CREBRF: variants seen among roughly 807,000 people sequenced by gnomAD.
CREBRF encodes UPF0474 protein C5orf41.
CREBRF carries 5 observed loss-of-function variants against 66.1 expected under a neutral mutation model. The observed-to-expected ratio is 0.08, with a 90% CI of 0.04 to 0.16. CREBRF has a LOEUF of 0.16. Ranked by LOEUF, CREBRF falls within the 10% of genes least tolerant of loss-of-function variation. The pLI, the probability that CREBRF is intolerant of heterozygous loss-of-function variation, is 1.00. For synonymous variants in CREBRF, 229 were observed against 264.4 expected (o/e 0.87, Z 1.30); for missense variants, 531 against 744.9 (o/e 0.71, Z 3.34).
At chr5:173,106,881 C>T (rs1758763102) in intron 4 of CREBRF, among the ~76,000 whole-genome samples, 1 of 152,034 alleles carries the variant, frequency 6.6e-6, no homozygotes, top group South Asian at 2.1e-4. Context: ...TCCTGAGTAG[C>T]GGGGATTACA....
chr5:173,080,265 C>T (rs550765950), intron 1 of CREBRF, among the ~76,000 whole-genome samples: 27 of 150,358 alleles, frequency 1.8e-4, no homozygotes, highest in South Asian at 2.1e-4. Context: ...TGAATGAGAG[C>T]TTGACTTTAA....
At chr5:173,062,870 C>A (rs2113657769) in intron 1 of CREBRF, among the ~76,000 whole-genome samples, 1 of 151,156 alleles carries the variant, frequency 6.6e-6, no homozygotes, top group African/African-American at 2.4e-5. Context: ...GCCTCAGCCT[C>A]CCAAGTAGCT....
intron 7 of CREBRF, among the ~76,000 whole-genome samples, chr5:173,118,311 G>A (rs1759058050): frequency 6.6e-6 from 1 of 152,182 alleles, no homozygotes; most frequent in South Asian, 2.1e-4. Flanking sequence ...ACCATGCCTG[G>A]CCCTCACTGG....
At chr5:173,112,201 G>A in intron 6 of CREBRF, 105 bp from the exon 7 acceptor site, 1 of 705,868 alleles carries the variant, frequency 1.4e-6, no homozygotes. Flanking sequence ...GCTAGGAGTT[G>A]GAGAGTAGCC....
Position 173,090,972 on chromosome 5 carries a change from T to C in CREBRF, c.793T>C (p.Cys265Arg). 6.2e-7 allele frequency: 1 copy of C among 1,614,178 alleles called. No homozygotes were observed. The highest frequency in any genetic ancestry group is 8.5e-7 in the Non-Finnish European group (1 of 1,180,026). ...IHTDAAKENT[C>R]YCGAVAKRQE... is the part of the protein sequence containing the mutation. ...CACAGATGCAGCAAAGGAGAACACC[T>C]GCTACTGTGGTGCAGTGGCAAAGAG... Residue 265 changes from cysteine (C) to arginine (R), a missense_variant, in exon 4 of 9, where the codon TGC (cysteine) becomes CGC (arginine). Cys to Arg is a radical substitution (Grantham distance 180). Transcript: ENST00000296953. This position sits in a 1 kb window ranked among gnomAD's most constrained non-coding sequence, Gnocchi z 4.5.
Position 173,133,667 on chromosome 5 carries a change from C to A in CREBRF, c.1842C>A (p.Asn614Lys). Residue 614 changes from asparagine (N) to lysine (K), a missense_variant, in exon 9 of 9, where the codon AAC (asparagine) becomes AAA (lysine). Transcript: ENST00000296953. ...PVAGQTSEFVNQVLEKTAEGN... is the reference protein window; with the variant it reads ...PVAGQTSEFVKQVLEKTAEGN... ...CTGGGCAAACCTCAGAATTTGTTAA[C>A]CAAGTGTTAGAGAAGACTGCAGAAG... 6.2e-7 allele frequency: 1 copy of A among 1,612,594 alleles called. No homozygotes were observed. The highest frequency in any genetic ancestry group is 8.5e-7 in the Non-Finnish European group (1 of 1,179,164).
intron 2 of CREBRF, among the ~76,000 whole-genome samples, chr5:173,081,363 C>G (rs1053111736): frequency 6.6e-6 from 1 of 152,182 alleles, no homozygotes; most frequent in African/African-American, 2.4e-5. Flanking sequence ...GTGAGACAAT[C>G]AGTGAAGCCC....
intron 1 of CREBRF, among the ~76,000 whole-genome samples, chr5:173,073,033 G>A (rs570011385): frequency 6.6e-6 from 1 of 152,216 alleles, no homozygotes; most frequent in Non-Finnish European, 1.5e-5. Context: ...TGTTTGGATG[G>A]GGAGATGGCA....
chr5:173,130,673 G>C (rs373463127), intron 8 of CREBRF, among the ~76,000 whole-genome samples: 2 of 151,768 alleles, frequency 1.3e-5, no homozygotes, highest in South Asian at 2.1e-4. Flanking sequence ...ACAGATGTGC[G>C]CCACCATGTC....
At position 173,070,089 on chromosome 5, in the gene CREBRF, C is replaced by T. The variant is rs958101106; in HGVS notation, c.-191-10496C>T. Reference sequence around the variant, plus strand: ...TTTGTCTTTTCAGTAGAGATGGTTTCGCCATGTTGGCCAGGCTGGTCTTGA... The same window carrying T: ...TTTGTCTTTTCAGTAGAGATGGTTTTGCCATGTTGGCCAGGCTGGTCTTGA... On this transcript the variant is annotated intron_variant, in intron 1 of 8. Transcript: ENST00000296953. Among the ~76,000 whole-genome samples the T allele has an allele frequency of 1.3e-4, 20 of 151,994 alleles. 2 individuals carry two copies. The highest frequency in any genetic ancestry group is 4.2e-4 in the South Asian group (2 of 4,736).
rs569749989 is a variant in CREBRF at position 173,116,410 on chromosome 5, G to A, written c.1681+4031G>A. ...TGCTCTCCACTCCTATCCCTGGATA[G>A]CCTCAATCTGCTTTCTGTCACTATA... On this transcript the variant is annotated intron_variant, in intron 7 of 8. Coordinates refer to ENST00000296953, the MANE Select transcript of CREBRF (RefSeq NM_153607.3). Among the ~76,000 whole-genome samples the A allele has an allele frequency of 1.2e-4, 19 of 152,254 alleles. No homozygotes were observed. The East Asian group carries it at 3.7e-3, about 29-fold the overall frequency.
rs1002208660 is a variant in CREBRF at position 173,134,802 on chromosome 5, T to C, written c.*1057T>C. 3.9e-5 allele frequency: 6 copies of C among 152,292 alleles called. No individual in the cohort carries two copies. Among genetic ancestry groups the C allele is most frequent in the African/African-American group, 1.4e-4 (6 of 41,394 alleles). 9.4% of individuals were successfully genotyped at this position (152,292 alleles called of 1,614,324 possible). On this transcript the variant is annotated 3_prime_UTR_variant, in exon 9 of 9. Transcript: ENST00000296953. ...TTAGGGATCTTACTGAACTGTGAAT[T>C]TTATTTCTGTTTGGGTCCAATTATC...
intron 5 of CREBRF, chr5:173,110,268 C>T (rs1758841666): frequency 1.8e-6 from 1 of 542,016 alleles, no homozygotes; most frequent in Non-Finnish European, 3.4e-6. Context: ...GAACTAGAAG[C>T]CTAGGGTAGG....
intron 1 of CREBRF, among the ~76,000 whole-genome samples, chr5:173,068,866 C>T (rs1213987363): frequency 1.3e-5 from 2 of 150,580 alleles, no homozygotes; most frequent in Non-Finnish European, 3.0e-5. Flanking sequence ...CTCAGGAGTT[C>T]GAGACCAGCC....
chr5:173,122,602 A>G (rs1759165418), intron 7 of CREBRF, among the ~76,000 whole-genome samples: 1 of 140,760 alleles, frequency 7.1e-6, no homozygotes, highest in Non-Finnish European at 1.5e-5. Flanking sequence ...TATTATTATT[A>G]TTATTATTAT....
chr5:173,059,265 C>T (rs13163717), intron 1 of CREBRF, among the ~76,000 whole-genome samples: 14,645 of 64,684 alleles, frequency 0.23, 1,368 homozygotes, highest in Non-Finnish European at 0.27. Flanking sequence ...TCTTTTTTTT[C>T]TTTTTTTTTT....
At chr5:173,127,208 G>A (rs1468072217) in intron 8 of CREBRF, among the ~76,000 whole-genome samples, 1 of 142,538 alleles carries the variant, frequency 7.0e-6, no homozygotes, top group East Asian at 2.0e-4. Flanking sequence ...TGTCACCCAG[G>A]CTAGAGTGCA....
intron 2 of CREBRF, among the ~76,000 whole-genome samples, chr5:173,084,651 T>C (rs538526854): frequency 1.3e-5 from 2 of 152,256 alleles, no homozygotes; most frequent in African/African-American, 4.8e-5. Flanking sequence ...TTTTTATTTA[T>C]GTATTTTTGA....
At chr5:173,130,129 T>G (rs956055749) in intron 8 of CREBRF, among the ~76,000 whole-genome samples, 1 of 152,238 alleles carries the variant, frequency 6.6e-6, no homozygotes, top group African/African-American at 2.4e-5. Context: ...GGCCTAGATT[T>G]TTTTATGTAG....
Sources: allele counts gnomAD v4.1 joint callset (sites outside exome capture counted in the v4.1 genomes callset), GRCh38; gene constraint gnomAD v4.1.1; non-coding constraint Gnocchi (gnomAD v3.1); transcripts MANE v1.5; gene names NCBI Gene and HGNC (gene_info 2026-07-23, HGNC 2026-07-21).